PBX1: variants seen among roughly 807,000 people sequenced by gnomAD.
PBX1 encodes the protein PBX homeobox 1.
In PBX1, 6 loss-of-function variants were observed where a neutral mutation model predicts 53.4. That is an observed-to-expected ratio of 0.11 (90% CI 0.06 to 0.22). The LOEUF (loss-of-function observed/expected upper bound fraction) is 0.22. PBX1 is among the 10% of genes least tolerant of loss of function. The probability of loss-of-function intolerance (pLI) is 1.00; values close to 1 mark genes in which losing one functional copy is unlikely to be tolerated. For synonymous variants in PBX1, 204 were observed against 212.3 expected (o/e 0.96, Z 0.34); for missense variants, 251 against 551.4 (o/e 0.46, Z 5.46).
At chr1:164,594,483 G>A (rs757112457) in intron 2 of PBX1, among the ~76,000 whole-genome samples, 20 of 151,980 alleles carry the variant, frequency 1.3e-4, no homozygotes, top group South Asian at 2.1e-4. Context: ...GGGTTTCGCC[G>A]TGTTGGCCAG....
At chr1:164,713,672 G>C (rs985312385) in intron 2 of PBX1, among the ~76,000 whole-genome samples, 2 of 152,104 alleles carry the variant, frequency 1.3e-5, no homozygotes, top group African/African-American at 2.4e-5. Flanking sequence ...CCGTGCATGG[G>C]GGAGGGGAGG....
At chr1:164,810,129 A>G (rs944012736) in intron 5 of PBX1, among the ~76,000 whole-genome samples, 3 of 152,126 alleles carry the variant, frequency 2.0e-5, no homozygotes, top group Non-Finnish European at 4.4e-5. Flanking sequence ...TTACTTCCTA[A>G]TGGACTTCAT....
At chr1:164,682,463 CA>C (rs1661834402) in intron 2 of PBX1, 1 of 151,992 alleles carries the variant, frequency 6.6e-6, no homozygotes, top group Non-Finnish European at 1.5e-5. Context: ...CATCAGTAAA[CA>C]AAATAAGGAA....
intron 2 of PBX1, among the ~76,000 whole-genome samples, chr1:164,668,235 G>A (rs2635033): frequency 0.8 from 122,340 of 152,032 alleles, 50,613 homozygotes; most frequent in Non-Finnish European, 0.91. Context: ...CCAAGCGACC[G>A]GTCTTTCCTA....
At chr1:164,878,915 C>G (rs1286741737) in intron 2 of PBX1, among the ~76,000 whole-genome samples, 2 of 152,142 alleles carry the variant, frequency 1.3e-5, no homozygotes, top group Non-Finnish European at 2.9e-5. Flanking sequence ...ATTATGGCAG[C>G]CGGAGCATAA....
chr1:164,725,103 C>T (rs1448297598), intron 2 of PBX1, among the ~76,000 whole-genome samples: 3 of 151,962 alleles, frequency 2.0e-5, no homozygotes, highest in Non-Finnish European at 2.9e-5. Flanking sequence ...GCTTGAACCC[C>T]CCACCCCCTT....
At chr1:164,677,167 A>G (rs2054918) in intron 2 of PBX1, among the ~76,000 whole-genome samples, 1 of 146,322 alleles carries the variant, frequency 6.8e-6, no homozygotes, top group Non-Finnish European at 1.5e-5. Flanking sequence ...ATCTCGGCTC[A>G]CTGCAAGCTC....
chr1:164,657,112 G>C (rs924829005), intron 2 of PBX1: 1 of 152,184 alleles, frequency 6.6e-6, no homozygotes, highest in African/African-American at 2.4e-5. Context: ...GTTTTCCACA[G>C]AGTGGGAAGA....
intron 2 of PBX1, among the ~76,000 whole-genome samples, chr1:164,659,073 C>T (rs1387390): frequency 0.58 from 87,630 of 152,038 alleles, 27,721 homozygotes; most frequent in Non-Finnish European, 0.71. Flanking sequence ...GTAGGAGGCA[C>T]TAAGAAAGGG....
At chr1:164,870,291 T>TTC (rs1353188761) in intron 2 of PBX1, among the ~76,000 whole-genome samples, 1 of 36,700 alleles carries the variant, frequency 2.7e-5, no homozygotes, top group Admixed American at 2.9e-4. Flanking sequence ...CTTTCTTTCT[T>TTC]TCTTTCTTTC....
At chr1:164,574,716 T>G (rs1344516668) in intron 2 of PBX1, among the ~76,000 whole-genome samples, 2 of 152,098 alleles carry the variant, frequency 1.3e-5, no homozygotes, top group East Asian at 3.8e-4. Context: ...GTGTGGTGGC[T>G]CACACCTATA....
intron 2 of PBX1, among the ~76,000 whole-genome samples, chr1:164,678,099 A>G (rs1661543165): frequency 6.6e-6 from 1 of 152,140 alleles, no homozygotes; most frequent in Admixed American, 6.5e-5. Context: ...GTGGGGAATC[A>G]TTGTGGGTTC....
intron 2 of PBX1, among the ~76,000 whole-genome samples, chr1:164,732,160 G>C (rs1210935881): frequency 6.6e-6 from 1 of 152,162 alleles, no homozygotes; most frequent in Non-Finnish European, 1.5e-5. Context: ...CCAACATTCT[G>C]TGTTGGTGCT....
chr1:164,639,350 T>C lies in PBX1; in HGVS notation c.265+76039T>C, dbSNP rs1658977644. On this transcript the variant is annotated intron_variant, in intron 2 of 8. Coordinates refer to ENST00000420696, the MANE Select transcript of PBX1 (RefSeq NM_002585.4). ...TCCTAAATGAAGAGCCTTTATTTCC[T>C]TCTGTTTAGATTAGAAAAGATGAGA... Among the ~76,000 whole-genome samples, 3 of 152,256 alleles carry C rather than the reference T, an allele frequency of 2.0e-5. No individual in the cohort carries two copies. The South Asian group carries it at 6.2e-4, about 31-fold the overall frequency.
In PBX1 at chr1:164,847,194, T is replaced by G; in HGVS notation, c.*518T>G. The stretch of plus-strand genomic sequence containing the variant: ...ACCTCTTAGCAGGAATACTCCACAT[T>G]GCCCTATTCATTCCAGGCCTCCCTG... On this transcript the variant is annotated 3_prime_UTR_variant, in exon 9 of 9. Coordinates refer to ENST00000420696, the MANE Select transcript of PBX1 (RefSeq NM_002585.4). The G allele has an allele frequency of 9.3e-7, 1 of 1,078,772 alleles. No individual in the cohort carries two copies. Among genetic ancestry groups the G allele is most frequent in the Non-Finnish European group, 1.1e-6 (1 of 885,942 alleles). 66.8% of individuals were successfully genotyped at this position (1,078,772 alleles called of 1,614,324 possible). A position where few individuals can be genotyped will look rare whatever the true frequency, so the allele number is the denominator to read the frequency against.
chr1:164,702,030 G>A (rs1663151671), intron 2 of PBX1, among the ~76,000 whole-genome samples: 2 of 152,132 alleles, frequency 1.3e-5, no homozygotes, highest in South Asian at 4.2e-4. Context: ...TTTCCAGTGG[G>A]CAGCTGCTAT....
intron 6 of PBX1, chr1:164,817,601 A>T (rs1669936620): frequency 6.6e-6 from 1 of 152,276 alleles, no homozygotes; most frequent in South Asian, 2.1e-4. Context: ...GCACTTGTAT[A>T]TGAAGTACAT....
chr1:164,848,400 T>C lies in PBX1; in HGVS notation c.*1724T>C, dbSNP rs1671671881. ...TATGCCTGGCTTACTAAGAGTCTTG[T>C]GAGAGACTGAGAAGTTGATTTTGTT... is the stretch of plus-strand genomic sequence containing the variant. On this transcript the variant is annotated 3_prime_UTR_variant, in exon 9 of 9. Transcript: ENST00000420696. 1 of 1,054,562 alleles carries C rather than the reference T, an allele frequency of 9.5e-7. No homozygotes were observed. The highest frequency in any genetic ancestry group is 1.1e-6 in the Non-Finnish European group (1 of 872,462). 65.3% of individuals were successfully genotyped at this position (1,054,562 alleles called of 1,614,324 possible).
chr1:164,671,464 T>G (rs2101972691), intron 2 of PBX1, among the ~76,000 whole-genome samples: 1 of 152,320 alleles, frequency 6.6e-6, no homozygotes, highest in South Asian at 2.1e-4. Flanking sequence ...GTGCATACAC[T>G]CGCCTGCCAG....
Sources: allele counts gnomAD v4.1 joint callset (sites outside exome capture counted in the v4.1 genomes callset), GRCh38; gene constraint gnomAD v4.1.1; transcripts MANE v1.5; gene names NCBI Gene and HGNC (gene_info 2026-07-23, HGNC 2026-07-21).